Variants in EXOC6B observed in about 807,000 individuals in gnomAD.
The protein encoded by EXOC6B is exocyst complex component 6B, also known as SEC15 homolog B.
In EXOC6B, 54 loss-of-function variants were observed where a neutral mutation model predicts 113.5. The ratio of observed to expected loss-of-function variants is 0.48; its 90% CI spans 0.38 to 0.60. EXOC6B has a LOEUF of 0.60. EXOC6B is among the 20% of genes least tolerant of loss of function. The pLI, the probability that EXOC6B is intolerant of heterozygous loss-of-function variation, is 0.00. For missense variants in EXOC6B, 797 were observed against 977.5 expected (o/e 0.82, Z 2.46); for synonymous variants, 357 against 339.0 (o/e 1.05, Z -0.58).
intron 17 of EXOC6B, among the ~76,000 whole-genome samples, chr2:72,469,354 T>C (rs1370488587): frequency 6.6e-6 from 1 of 152,088 alleles, no homozygotes; most frequent in East Asian, 1.9e-4. Context: ...TAGATTTAAA[T>C]TGTTCTTTGC....
At chr2:72,575,722 G>A in intron 6 of EXOC6B, 54 bp from the exon 7 acceptor site, 1 of 1,372,132 alleles carries the variant, frequency 7.3e-7, no homozygotes, top group Non-Finnish European at 9.5e-7. Context: ...GTTAGGGAGA[G>A]AGAAAGAAAG....
At position 72,636,101 on chromosome 2, in the gene EXOC6B, C is replaced by T. The variant is rs551148507; in HGVS notation, c.670-60433G>A. 1.7e-4 allele frequency among the ~76,000 whole-genome samples: 26 copies of T among 152,090 alleles called. No individual in the cohort carries two copies. The South Asian group carries it at 3.3e-3, about 19-fold the overall frequency. ...AGTCAGGTGCAGTGTCATGCATCTGCAGTTCCAGCTACTCAGGAGGCTGAG... is the reference window on the plus strand; with the variant it reads ...AGTCAGGTGCAGTGTCATGCATCTGTAGTTCCAGCTACTCAGGAGGCTGAG... On this transcript the variant is annotated intron_variant, in intron 6 of 21. Transcript: ENST00000272427.
At chr2:72,533,190 G>C (rs1416538901) in intron 8 of EXOC6B, among the ~76,000 whole-genome samples, 1 of 152,122 alleles carries the variant, frequency 6.6e-6, no homozygotes, top group Non-Finnish European at 1.5e-5. Flanking sequence ...TGGCAATTCA[G>C]TGAAGGATGA....
intron 11 of EXOC6B, among the ~76,000 whole-genome samples, chr2:72,501,440 T>A (rs1573268948): frequency 1.3e-5 from 2 of 152,158 alleles, no homozygotes; most frequent in African/African-American, 4.8e-5. Context: ...CTATACTTCA[T>A]GTACAGCCTG....
chr2:72,193,924 T>C (rs1679004409), intron 20 of EXOC6B, among the ~76,000 whole-genome samples: 1 of 152,236 alleles, frequency 6.6e-6, no homozygotes, highest in Non-Finnish European at 1.5e-5. Context: ...TGTTGAAACA[T>C]AGCCATGTTC....
At chr2:72,470,411 T>C (rs1390043078) in intron 17 of EXOC6B, among the ~76,000 whole-genome samples, 1 of 152,148 alleles carries the variant, frequency 6.6e-6, no homozygotes, top group East Asian at 1.9e-4. Flanking sequence ...AGGCTACTGA[T>C]TTTTGTATGT....
intron 20 of EXOC6B, among the ~76,000 whole-genome samples, chr2:72,198,714 T>C (rs1411743100): frequency 6.6e-6 from 1 of 152,222 alleles, no homozygotes; most frequent in African/African-American, 2.4e-5. Context: ...GTCTGCACTG[T>C]TCCCCATAAC....
At chr2:72,640,358 G>C (rs894939004) in intron 6 of EXOC6B, among the ~76,000 whole-genome samples, 2 of 152,092 alleles carry the variant, frequency 1.3e-5, no homozygotes, top group Non-Finnish European at 2.9e-5. Context: ...TAAGAAATAC[G>C]GGATTATGTA....
At chr2:72,382,513 G>T (rs1408792552) in intron 18 of EXOC6B, among the ~76,000 whole-genome samples, 1 of 152,046 alleles carries the variant, frequency 6.6e-6, no homozygotes, top group Non-Finnish European at 1.5e-5. Context: ...TTGGCTATTC[G>T]GGGTCTTTTT....
At chr2:72,698,046 T>C (rs1423346260) in intron 6 of EXOC6B, among the ~76,000 whole-genome samples, 8 of 151,848 alleles carry the variant, frequency 5.3e-5, no homozygotes, top group Non-Finnish European at 1.5e-5. Flanking sequence ...AAGCATGTGG[T>C]GGTTTGGTGA....
intron 1 of EXOC6B, among the ~76,000 whole-genome samples, chr2:72,798,567 C>T (rs942086562): frequency 6.6e-6 from 1 of 152,150 alleles, no homozygotes; most frequent in African/African-American, 2.4e-5. Flanking sequence ...AGTATATATA[C>T]GGTGACCCAC....
rs201707106 is a variant in EXOC6B, at chr2:72,661,134, C to CG, written c.669+56968_669+56969insC. ...AGGGCCAAGAGGGTGCATCCAAACC[C>CG]AGTTATTTTTCCTTTCTCTCTGTCC... On this transcript the variant is annotated intron_variant, in intron 6 of 21. Transcript: ENST00000272427. Among the ~76,000 whole-genome samples the CG allele has an allele frequency of 1.3e-3, 204 of 152,008 alleles. 1 individual carries two copies. The highest frequency in any genetic ancestry group is 4.8e-3 in the African/African-American group (197 of 41,398).
At chr2:72,728,578 G>T (rs1307165045) in intron 5 of EXOC6B, among the ~76,000 whole-genome samples, 1 of 152,140 alleles carries the variant, frequency 6.6e-6, no homozygotes, top group African/African-American at 2.4e-5. Flanking sequence ...TAATGGGTTG[G>T]CAGGTATGCT....
At chr2:72,504,298 T>C (rs1700486582) in intron 11 of EXOC6B, among the ~76,000 whole-genome samples, 1 of 152,198 alleles carries the variant, frequency 6.6e-6, no homozygotes, top group African/African-American at 2.4e-5. Flanking sequence ...TCTCTCAGTC[T>C]GTAGCTAGTC....
rs200043187 is a variant in EXOC6B, at chr2:72,349,536, T to TA, written c.2123-14517dup. Among the ~76,000 whole-genome samples the TA allele has an allele frequency of 3.6e-3, 547 of 152,246 alleles. 10 individuals are homozygous for TA. Among genetic ancestry groups the TA allele is most frequent in the African/African-American group, 0.013 (534 of 41,528 alleles). On this transcript the variant is annotated intron_variant, in intron 19 of 21. Coordinates refer to ENST00000272427, the MANE Select transcript of EXOC6B (RefSeq NM_015189.3). ...GATTTAATCAATCTTGCCTATGCAA[T>TA]AAAACCCCATATAAAAACTCTGGAC... is the stretch of plus-strand genomic sequence containing the variant.
intron 18 of EXOC6B, among the ~76,000 whole-genome samples, chr2:72,401,576 T>TATAC (rs1693245230): frequency 1.2e-4 from 3 of 25,948 alleles, no homozygotes; most frequent in Non-Finnish European, 1.8e-4. Context: ...CATATATATA[T>TATAC]ATATACATAT....
intron 2 of EXOC6B, among the ~76,000 whole-genome samples, chr2:72,736,279 G>A (rs1680953787): frequency 6.6e-6 from 1 of 152,042 alleles, no homozygotes; most frequent in Admixed American, 6.5e-5. Flanking sequence ...ATAAGTGTGT[G>A]TATGTATACA....
At chr2:72,473,781 T>A (rs1698553236) in intron 17 of EXOC6B, among the ~76,000 whole-genome samples, 1 of 152,100 alleles carries the variant, frequency 6.6e-6, no homozygotes, top group South Asian at 2.1e-4. Context: ...GTTACTGCGG[T>A]TTGGTGGTTT....
chr2:72,401,472 A>C (rs1204910959), intron 18 of EXOC6B, among the ~76,000 whole-genome samples: 2 of 129,676 alleles, frequency 1.5e-5, no homozygotes, highest in African/African-American at 5.7e-5. Context: ...TTAAAAAAAA[A>C]ACACAGAAAA....
Sources: gnomAD v4.1 joint callset for allele counts (sites outside exome capture counted in the v4.1 genomes callset) on GRCh38, gnomAD v4.1.1 for gene constraint, MANE v1.5 for transcripts, NCBI Gene and HGNC (gene_info 2026-07-23, HGNC 2026-07-21) for gene names.